Variants in DYM observed in about 807,000 individuals in gnomAD.
DYM encodes the protein dymeclin, also known as dyggve-Melchior-Clausen syndrome protein.
In DYM, 78 loss-of-function variants were observed where a neutral mutation model predicts 93.1. The observed-to-expected ratio is 0.84, with a 90% confidence interval of 0.70 to 1.01. DYM has a LOEUF of 1.01. DYM is among the 50% of genes least tolerant of loss of function. The probability of loss-of-function intolerance (pLI) is 0.00; values close to 1 mark genes in which losing one functional copy is unlikely to be tolerated. For synonymous variants in DYM, 321 were observed against 319.7 expected (o/e 1.00, Z -0.04); for missense variants, 789 against 845.0 (o/e 0.93, Z 0.82).
intron 1 of DYM, among the ~76,000 whole-genome samples, chr18:49,437,612 G>A (rs1464714578): frequency 6.6e-6 from 1 of 152,128 alleles, no homozygotes; most frequent in Non-Finnish European, 1.5e-5. Context: ...GGGTCAAAGG[G>A]TATATGCATC....
intron 16 of DYM, among the ~76,000 whole-genome samples, chr18:49,118,031 C>T (rs1209503032): frequency 6.1e-5 from 6 of 98,740 alleles, no homozygotes; most frequent in Non-Finnish European, 9.0e-5. Flanking sequence ...GTGTGTGAGA[C>T]GGAGTTTTAC....
chr18:49,207,200 A>T (rs2092559551), intron 14 of DYM, among the ~76,000 whole-genome samples: 1 of 152,200 alleles, frequency 6.6e-6, no homozygotes, highest in Non-Finnish European at 1.5e-5. Context: ...ACACATGACG[A>T]ATGCTAAAAT....
intron 17 of DYM, among the ~76,000 whole-genome samples, chr18:49,076,340 T>C (rs1432144627): frequency 6.6e-6 from 1 of 152,222 alleles, no homozygotes; most frequent in Non-Finnish European, 1.5e-5. Flanking sequence ...ATGCTGCAGA[T>C]ATTATGCCAA....
chr18:49,188,487 A>G (rs1457843980), intron 14 of DYM, among the ~76,000 whole-genome samples: 1 of 152,202 alleles, frequency 6.6e-6, no homozygotes, highest in Non-Finnish European at 1.5e-5. Flanking sequence ...GAATATGGGT[A>G]CACATGGAAT....
intron 1 of DYM, chr18:49,432,059 A>G (rs1054177220): frequency 8.5e-5 from 13 of 152,364 alleles, no homozygotes; most frequent in African/African-American, 2.6e-4. Context: ...GTTAAGCCCA[A>G]TTAGAAAATG....
chr18:49,078,134 T>G (rs894894605), intron 17 of DYM, among the ~76,000 whole-genome samples: 1 of 152,202 alleles, frequency 6.6e-6, no homozygotes, highest in African/African-American at 2.4e-5. Context: ...GCCCTAGAGA[T>G]GACAATATAC....
At position 49,325,723 on chromosome 18, in the gene DYM, T is replaced by C. The variant is rs538462366; in HGVS notation, c.763+6141A>G. ...TTAGCACCAAAAGAGTTAGTGTGCATTTAGATTTATTTTTTTAAACGTAGA... is the reference window on the plus strand; with the variant it reads ...TTAGCACCAAAAGAGTTAGTGTGCACTTAGATTTATTTTTTTAAACGTAGA... On this transcript the variant is annotated intron_variant, in intron 8 of 17. Coordinates refer to ENST00000675505, the MANE Select transcript of DYM (RefSeq NM_001353214.3). Among the ~76,000 whole-genome samples the C allele has an allele frequency of 1.2e-4, 19 of 152,308 alleles. No homozygotes were observed. In the South Asian group the frequency reaches 3.9e-3, roughly 32 times the overall value.
At chr18:49,162,433 A>C (rs932853243) in intron 15 of DYM, among the ~76,000 whole-genome samples, 2 of 152,082 alleles carry the variant, frequency 1.3e-5, no homozygotes, top group African/African-American at 2.4e-5. Flanking sequence ...TGCTAGCTCA[A>C]GTCTCTCTTC....
chr18:49,191,374 A>G (rs1369403022), intron 14 of DYM, among the ~76,000 whole-genome samples: 1 of 152,182 alleles, frequency 6.6e-6, no homozygotes, highest in Admixed American at 6.5e-5. Flanking sequence ...ATCTGCCTAT[A>G]AATGCTTACT....
At chr18:49,196,109 A>G (rs1221248752) in intron 14 of DYM, among the ~76,000 whole-genome samples, 1 of 151,826 alleles carries the variant, frequency 6.6e-6, no homozygotes, top group Non-Finnish European at 1.5e-5. Flanking sequence ...TATTTTTAGT[A>G]GAGATGGGGT....
At chr18:49,432,417 T>C (rs1341558977) in intron 1 of DYM, among the ~76,000 whole-genome samples, 2 of 151,044 alleles carry the variant, frequency 1.3e-5, no homozygotes, top group East Asian at 3.9e-4. Context: ...ATCAAAATTA[T>C]ATGGGGACAT....
At chr18:49,380,710 G>C (rs2067965702) in intron 3 of DYM, among the ~76,000 whole-genome samples, 1 of 152,334 alleles carries the variant, frequency 6.6e-6, no homozygotes, top group East Asian at 1.9e-4. Flanking sequence ...TTCATCAGAA[G>C]GGAGAGACTA....
chr18:49,236,457 G>A (rs1199986169), intron 13 of DYM, among the ~76,000 whole-genome samples: 1 of 148,998 alleles, frequency 6.7e-6, no homozygotes, highest in Non-Finnish European at 1.5e-5. Flanking sequence ...TCCAGCCTGG[G>A]CGACAGAGCG....
intron 13 of DYM, among the ~76,000 whole-genome samples, chr18:49,242,067 C>T (rs932893646): frequency 6.6e-5 from 10 of 152,182 alleles, no homozygotes; most frequent in Non-Finnish European, 1.3e-4. Flanking sequence ...ACTCCACTTG[C>T]TCTCACCCCA....
chr18:49,115,313 A>G (rs913431113), intron 16 of DYM, among the ~76,000 whole-genome samples: 2 of 139,678 alleles, frequency 1.4e-5, no homozygotes, highest in African/African-American at 2.5e-5. Context: ...ACCACAGGGA[A>G]AAAAAAAAAT....
intron 13 of DYM, among the ~76,000 whole-genome samples, chr18:49,214,354 G>A (rs1435765032): frequency 6.6e-6 from 1 of 152,124 alleles, no homozygotes; most frequent in Non-Finnish European, 1.5e-5. Context: ...GCACATGCGA[G>A]GAATTGAGGT....
chr18:49,340,358 T>A (rs1166006771), intron 6 of DYM, among the ~76,000 whole-genome samples: 1 of 152,172 alleles, frequency 6.6e-6, no homozygotes, highest in Non-Finnish European at 1.5e-5. Flanking sequence ...CAGAATGAGT[T>A]CTATAACACA....
intron 17 of DYM, among the ~76,000 whole-genome samples, chr18:49,052,995 CAA>C (rs760669475): frequency 9.0e-4 from 137 of 152,336 alleles, no homozygotes; most frequent in Non-Finnish European, 1.6e-3. Context: ...CACAGCTCAA[CAA>C]AGAGAGAAAA....
intron 14 of DYM, among the ~76,000 whole-genome samples, chr18:49,201,971 T>C (rs889035495): frequency 6.6e-6 from 1 of 152,230 alleles, no homozygotes; most frequent in Non-Finnish European, 1.5e-5. Flanking sequence ...TGAATAAGCA[T>C]TTGTTAATTA....
Sources: allele counts gnomAD v4.1 joint callset (sites outside exome capture counted in the v4.1 genomes callset), GRCh38; gene constraint gnomAD v4.1.1; transcripts MANE v1.5; gene names NCBI Gene and HGNC (gene_info 2026-07-23, HGNC 2026-07-21).